Variants in SLC44A5 observed in about 807,000 individuals in gnomAD.
The protein encoded by SLC44A5 is solute carrier family 44 member 5.
In SLC44A5, 57 loss-of-function variants were observed where a neutral mutation model predicts 101.8. That is an observed-to-expected ratio of 0.56 (90% CI 0.45 to 0.70). The LOEUF (loss-of-function observed/expected upper bound fraction) is 0.70, where lower values mean the gene tolerates loss of function less well. Ranked by LOEUF, SLC44A5 falls within the 30% of genes least tolerant of loss-of-function variation. SLC44A5 has a pLI of 0.00. For missense variants in SLC44A5, 737 were observed against 853.1 expected (o/e 0.86, Z 1.70); for synonymous variants, 281 against 290.9 (o/e 0.97, Z 0.35).
chr1:75,470,167 C>A (rs1411761603), intron 2 of SLC44A5, among the ~76,000 whole-genome samples: 2 of 152,076 alleles, frequency 1.3e-5, no homozygotes, highest in Non-Finnish European at 2.9e-5. Context: ...GCTTTCAAAC[C>A]AATCAATCCT....
intron 7 of SLC44A5, among the ~76,000 whole-genome samples, chr1:75,244,773 G>T (rs1249656615): frequency 1.3e-5 from 2 of 152,046 alleles, no homozygotes; most frequent in African/African-American, 4.8e-5. Context: ...AGAATCAGAG[G>T]AGATACACTA....
intron 2 of SLC44A5, among the ~76,000 whole-genome samples, chr1:75,408,529 T>C (rs921279468): frequency 3.3e-5 from 5 of 151,992 alleles, no homozygotes; most frequent in Non-Finnish European, 7.4e-5. Context: ...AATGCAGCCA[T>C]AAAAAAGAAT....
At chr1:75,318,948 T>C (rs1219394298) in intron 4 of SLC44A5, among the ~76,000 whole-genome samples, 1 of 151,978 alleles carries the variant, frequency 6.6e-6, no homozygotes, top group Non-Finnish European at 1.5e-5. Context: ...CAACCCCCCC[T>C]GCCAACGCAC....
chr1:75,581,123 A>G (rs972358574), intron 1 of SLC44A5, among the ~76,000 whole-genome samples: 5 of 152,246 alleles, frequency 3.3e-5, no homozygotes, highest in Non-Finnish European at 7.3e-5. Context: ...CCAGACCCTG[A>G]AGGCTGATGA....
At chr1:75,601,113 A>G (rs1674953703) in intron 1 of SLC44A5, among the ~76,000 whole-genome samples, 1 of 152,160 alleles carries the variant, frequency 6.6e-6, no homozygotes, top group Non-Finnish European at 1.5e-5. Context: ...GACATTGTTC[A>G]TTTTGGCTAG....
the SLC44A5 span, among the ~76,000 whole-genome samples, chr1:75,717,866 G>A: frequency 1.3e-5 from 2 of 152,206 alleles, no homozygotes; most frequent in Non-Finnish European, 2.9e-5. Flanking sequence ...GTATTTGCCC[G>A]ATTGGAGAAA....
intron 2 of SLC44A5, among the ~76,000 whole-genome samples, chr1:75,427,851 C>T (rs1664399631): frequency 6.6e-6 from 1 of 152,088 alleles, no homozygotes; most frequent in South Asian, 2.1e-4. Context: ...TGTGCCTACT[C>T]AGGAATGCAT....
At chr1:75,383,942 T>C (rs11485321) in intron 3 of SLC44A5, among the ~76,000 whole-genome samples, 2 of 151,556 alleles carry the variant, frequency 1.3e-5, no homozygotes, top group Non-Finnish European at 2.9e-5. Flanking sequence ...CAGAATTTCA[T>C]ATCCAGCCAA....
At chr1:75,424,953 T>A (rs1664221267) in intron 2 of SLC44A5, among the ~76,000 whole-genome samples, 1 of 152,194 alleles carries the variant, frequency 6.6e-6, no homozygotes, top group South Asian at 2.1e-4. Flanking sequence ...AAATACTAAA[T>A]ACATTTCCCA....
chr1:75,697,564 A>G, the SLC44A5 span, among the ~76,000 whole-genome samples: 1 of 152,202 alleles, frequency 6.6e-6, no homozygotes, highest in Non-Finnish European at 1.5e-5. Context: ...GGGCTGGTGG[A>G]TCACTTGAAC....
chr1:75,453,415 C>T (rs1666011220), intron 2 of SLC44A5, among the ~76,000 whole-genome samples: 1 of 152,016 alleles, frequency 6.6e-6, no homozygotes, highest in Non-Finnish European at 1.5e-5. Flanking sequence ...CAGTACTAAA[C>T]ACCTACATCA....
chr1:75,300,594 A>C lies in SLC44A5; in HGVS notation c.175+18T>G. 2 of 1,527,654 alleles carry C rather than the reference A, an allele frequency of 1.3e-6. No individual in the cohort carries two copies. The allele number at this position is 1,527,654 out of a possible 1,614,324, so 94.6% of individuals were successfully genotyped here. A position where few individuals can be genotyped will look rare whatever the true frequency, so the allele number is the denominator to read the frequency against. ...CATTAGCAAGTGTTAAATATTTTCTATACCTGTATTTACTCACCCACAAGT... is the reference window on the plus strand; with the variant it reads ...CATTAGCAAGTGTTAAATATTTTCTCTACCTGTATTTACTCACCCACAAGT... On this transcript the variant is annotated intron_variant, in intron 5 of 23. Transcript: ENST00000370859.
At chr1:75,486,570 C>A (rs1007122538) in intron 2 of SLC44A5, among the ~76,000 whole-genome samples, 6 of 152,118 alleles carry the variant, frequency 3.9e-5, no homozygotes, top group Non-Finnish European at 8.8e-5. Context: ...AGTCGATCAG[C>A]CTTTTTGAAA....
At chr1:75,365,796 T>A (rs551308108) in intron 3 of SLC44A5, among the ~76,000 whole-genome samples, 1 of 152,328 alleles carries the variant, frequency 6.6e-6, no homozygotes, top group African/African-American at 2.4e-5. Context: ...ATTTTATTTA[T>A]CTGCTAGAGG....
intron 2 of SLC44A5, among the ~76,000 whole-genome samples, chr1:75,467,270 G>T (rs1404177398): frequency 6.6e-6 from 1 of 152,024 alleles, no homozygotes; most frequent in African/African-American, 2.4e-5. Flanking sequence ...GCAAGCTACA[G>T]ATTCAATTCA....
the SLC44A5 span, among the ~76,000 whole-genome samples, chr1:75,647,104 G>A: frequency 1.3e-5 from 2 of 152,166 alleles, no homozygotes; most frequent in African/African-American, 4.8e-5. Flanking sequence ...AAGAAAAATG[G>A]TTTCTTGGGC....
At chr1:75,291,561 G>A (rs971764292) in intron 5 of SLC44A5, among the ~76,000 whole-genome samples, 4 of 152,148 alleles carry the variant, frequency 2.6e-5, no homozygotes, top group Non-Finnish European at 5.9e-5. Context: ...GGTCAGGGAT[G>A]ATGTTTCTGA....
chr1:75,215,058 A>G (rs1180892314), intron 19 of SLC44A5, among the ~76,000 whole-genome samples: 1 of 152,164 alleles, frequency 6.6e-6, no homozygotes, highest in Non-Finnish European at 1.5e-5. Context: ...AGGAAACCCA[A>G]TACCTTTCAC....
the SLC44A5 span, among the ~76,000 whole-genome samples, chr1:75,711,883 G>A: frequency 6.6e-6 from 1 of 152,114 alleles, no homozygotes; most frequent in Non-Finnish European, 1.5e-5. Flanking sequence ...TTCTGACTCT[G>A]GCCAACACAA....
Sources: gnomAD v4.1 joint callset for allele counts (sites outside exome capture counted in the v4.1 genomes callset) on GRCh38, gnomAD v4.1.1 for gene constraint, MANE v1.5 for transcripts, NCBI Gene and HGNC (gene_info 2026-07-23, HGNC 2026-07-21) for gene names.